Variants in TMEFF1 observed in about 807,000 individuals in gnomAD.
TMEFF1 encodes transmembrane protein with EGF like and two follistatin like domains 1.
In TMEFF1, 20 loss-of-function variants were observed where a neutral mutation model predicts 47.5. The observed-to-expected ratio is 0.42, with a 90% confidence interval of 0.30 to 0.61. The LOEUF (loss-of-function observed/expected upper bound fraction) is 0.61. Among genes scored for constraint, TMEFF1 ranks in the 20% least tolerant of loss-of-function variants. TMEFF1 has a pLI of 0.19. For missense variants in TMEFF1, 411 were observed against 471.1 expected, an observed-to-expected ratio of 0.87 and a Z score of 1.18; for synonymous variants, 162 against 166.3, an observed-to-expected ratio of 0.97 and a Z score of 0.20.
At chr9:100,519,622 T>A (rs1363389079) in intron 5 of TMEFF1, among the ~76,000 whole-genome samples, 1 of 144,986 alleles carries the variant, frequency 6.9e-6, no homozygotes, top group Non-Finnish European at 1.5e-5. Context: ...TTCTTTTTCC[T>A]ACTTTGAGGA....
chr9:100,572,808 C>T (rs188579225), intron 9 of TMEFF1, 132 bp downstream of exon 9: 5 of 1,143,726 alleles, frequency 4.4e-6, no homozygotes, highest in Admixed American at 6.5e-5. Context: ...GTGGTCTCTC[C>T]CTATCCTTCT....
chr9:100,553,564 T>A (rs1055110005), intron 7 of TMEFF1, among the ~76,000 whole-genome samples: 1 of 152,222 alleles, frequency 6.6e-6, no homozygotes, highest in African/African-American at 2.4e-5. Context: ...GAATAGCTGC[T>A]GAATTAGAGC....
intron 4 of TMEFF1, 138 bp downstream of exon 4, chr9:100,513,471 C>A: frequency 1.8e-6 from 2 of 1,107,030 alleles, no homozygotes; most frequent in Non-Finnish European, 2.5e-6. Context: ...TGTACAAATT[C>A]AGTGACTTTT....
chr9:100,536,578 C>G (rs1159348229), intron 5 of TMEFF1, among the ~76,000 whole-genome samples: 4 of 152,188 alleles, frequency 2.6e-5, no homozygotes, highest in Non-Finnish European at 5.9e-5. Flanking sequence ...ATCTTTGAGC[C>G]TCTGACCTTT....
chr9:100,528,915 G>C (rs1388404192), intron 5 of TMEFF1, among the ~76,000 whole-genome samples: 4 of 143,980 alleles, frequency 2.8e-5, no homozygotes, highest in Non-Finnish European at 4.6e-5. Context: ...CTACAAGCCA[G>C]AAGAGAGTGG....
intron 1 of TMEFF1, among the ~76,000 whole-genome samples, chr9:100,498,032 T>C (rs1353132742): frequency 1.3e-5 from 2 of 152,270 alleles, no homozygotes; most frequent in Non-Finnish European, 1.5e-5. Context: ...TTCACCCACT[T>C]TCACTGATTG....
chr9:100,545,205 G>C (rs994290421), intron 5 of TMEFF1, among the ~76,000 whole-genome samples: 1 of 152,174 alleles, frequency 6.6e-6, no homozygotes, highest in Non-Finnish European at 1.5e-5. Context: ...TCCCTTCCAC[G>C]CTGCCCTAGC....
intron 5 of TMEFF1, 134 bp from the exon 6 acceptor site, chr9:100,547,609 CT>C (rs566351168): frequency 9.1e-7 from 1 of 1,094,482 alleles, no homozygotes; most frequent in Non-Finnish European, 1.2e-6. Flanking sequence ...TTTGCTTAAG[CT>C]TTCATCAGTG....
intron 2 of TMEFF1, among the ~76,000 whole-genome samples, chr9:100,504,937 A>G (rs1837828092): frequency 6.6e-6 from 1 of 152,238 alleles, no homozygotes; most frequent in Admixed American, 6.5e-5. Context: ...CGGATAAATT[A>G]ACCTACATAA....
At chr9:100,574,187 G>A (rs979172507) in intron 9 of TMEFF1, among the ~76,000 whole-genome samples, 12 of 152,182 alleles carry the variant, frequency 7.9e-5, no homozygotes, top group Non-Finnish European at 1.8e-4. Flanking sequence ...GGGTTTTTGA[G>A]CAGGGGAAGG....
At chr9:100,550,284 C>A (rs919027356) in intron 7 of TMEFF1, 124 bp downstream of exon 7, 6 of 813,744 alleles carry the variant, frequency 7.4e-6, no homozygotes, top group Middle Eastern at 2.3e-4. Flanking sequence ...ATATACCTAA[C>A]ACAGTTAATT....
chr9:100,518,340 C>G, intron 5 of TMEFF1: 1 of 646,486 alleles, frequency 1.5e-6, no homozygotes, highest in East Asian at 1.4e-4. Context: ...TATTCCCAAT[C>G]AGAGCAACTC....
At chr9:100,570,239 G>A (rs756881999) in intron 8 of TMEFF1, among the ~76,000 whole-genome samples, 3 of 152,020 alleles carry the variant, frequency 2.0e-5, no homozygotes, top group Non-Finnish European at 4.4e-5. Flanking sequence ...TGCAATAAAC[G>A]TGGTAGTGCA....
chr9:100,517,271 G>C (rs537913643), intron 5 of TMEFF1, among the ~76,000 whole-genome samples: 1 of 152,100 alleles, frequency 6.6e-6, no homozygotes, highest in South Asian at 2.1e-4. Context: ...CTGTGGTGCT[G>C]GCTTTTTGCA....
At position 100,547,832 on chromosome 9, in the gene TMEFF1, C is replaced by A. The variant is rs149049994; in HGVS notation, c.649C>A (p.Arg217=). ...TTCCTATAACAATCCCTGTTTTGTT[C>A]GAGAAGCATCTTGTATAAAGCAAGA... The part of the protein sequence containing the change: ...GSSYNNPCFV[R]EASCIKQEQI... Residue 217 remains arginine, a synonymous_variant, in exon 6 of 10, where the codon CGA becomes AGA. Transcript: ENST00000374879. 6.2e-7 allele frequency: 1 copy of A among 1,610,062 alleles called. No homozygotes were observed. The highest frequency in any genetic ancestry group is 2.2e-5 in the East Asian group (1 of 44,574).
intron 8 of TMEFF1, among the ~76,000 whole-genome samples, chr9:100,562,630 GTTTGTTTTGTTTTGTTTTGTTTTGT>G (rs55940754): frequency 7.0e-6 from 1 of 142,450 alleles, no homozygotes; most frequent in Middle Eastern, 3.5e-3. Flanking sequence ...TTTTTTTTTT[GTTTGTTTTGTTTTGTTTTGTTTTGT>G]TTTGTTTTGT....
intron 8 of TMEFF1, among the ~76,000 whole-genome samples, chr9:100,570,453 T>C (rs1839217216): frequency 6.6e-6 from 1 of 152,206 alleles, no homozygotes; most frequent in Admixed American, 6.5e-5. Context: ...TGAGGCAATT[T>C]TTGTGTATGA....
In TMEFF1 at chr9:100,473,695, G is replaced by A; in HGVS notation, c.151G>A (p.Gly51Ser). ...NQPPGGGGGS[G>S]GDCPGGKGKS... The stretch of plus-strand genomic sequence containing the variant: ...GCCCCCGGGTGGTGGCGGCGGCAGC[G>A]GCGGGGACTGTCCCGGCGGCAAAGG... Residue 51 changes from glycine to serine, a missense_variant, in exon 1 of 10, where the codon GGC becomes AGC. Coordinates refer to ENST00000374879, the MANE Select transcript of TMEFF1 (RefSeq NM_003692.5). The surrounding 1 kb of genome is among the most constrained non-coding windows in gnomAD (Gnocchi z 5.4). 1 of 1,534,050 alleles carries A rather than the reference G, an allele frequency of 6.5e-7. No individual in the cohort carries two copies. Among genetic ancestry groups the A allele is most frequent in the South Asian group, 1.2e-5 (1 of 81,654 alleles).
intron 2 of TMEFF1, among the ~76,000 whole-genome samples, chr9:100,502,875 G>T (rs1469093642): frequency 6.6e-6 from 1 of 152,178 alleles, no homozygotes; most frequent in African/African-American, 2.4e-5. Flanking sequence ...GCTTACTTGT[G>T]CTGGGTATGA....
Sources: allele counts gnomAD v4.1 joint callset (sites outside exome capture counted in the v4.1 genomes callset), GRCh38; gene constraint gnomAD v4.1.1; non-coding constraint Gnocchi (gnomAD v3.1); transcripts MANE v1.5; gene names NCBI Gene and HGNC (gene_info 2026-07-23, HGNC 2026-07-21).